The following MTOR variants were observed in gnomAD, a reference collection of about 807,000 sequenced individuals.
The protein encoded by MTOR is mechanistic target of rapamycin kinase, also known as serine/threonine-protein kinase mTOR.
In MTOR, 70 loss-of-function variants were observed where a neutral mutation model predicts 319.8. The ratio of observed to expected loss-of-function variants is 0.22; its 90% CI spans 0.18 to 0.27. The LOEUF (loss-of-function observed/expected upper bound fraction) is 0.27. Among genes scored for constraint, MTOR ranks in the 10% least tolerant of loss-of-function variants. The pLI is 1.00. For synonymous variants in MTOR, 1,183 were observed against 1,211.4 expected (o/e 0.98, Z 0.49); for missense variants, 1,890 against 3,274.4 (o/e 0.58, Z 10.32).
At chr1:11,197,009 A>G (rs912969092) in intron 28 of MTOR, among the ~76,000 whole-genome samples, 2 of 152,170 alleles carry the variant, frequency 1.3e-5, no homozygotes, top group African/African-American at 2.4e-5. Flanking sequence ...AAGGGAAAAT[A>G]AGAGTAGGAA....
At chr1:11,112,789 C>G in intron 54 of MTOR, 63 bp downstream of exon 54, 1 of 1,562,670 alleles carries the variant, frequency 6.4e-7, no homozygotes, top group Non-Finnish European at 8.8e-7. Flanking sequence ...TGAAGCCCAC[C>G]CCACTCTACA....
At position 11,115,152 on chromosome 1, in the gene MTOR, G is replaced by T. The variant is rs558524941; in HGVS notation, c.7089+244C>A. Among the ~76,000 whole-genome samples, 6 of 152,250 alleles carry T rather than the reference G, an allele frequency of 3.9e-5. No homozygotes were observed. In the South Asian group the frequency reaches 1.0e-3, roughly 26 times the overall value. Reference sequence around the variant, plus strand: ...GTGTCCAGGCTCTTGGGCAACAGGTGGTATGGAGGGTAGGGGCCTACTCTA... The same window carrying T: ...GTGTCCAGGCTCTTGGGCAACAGGTTGTATGGAGGGTAGGGGCCTACTCTA... On this transcript the variant is annotated intron_variant, in intron 51 of 57. Transcript: ENST00000361445. The surrounding 1 kb of genome is among the most constrained non-coding windows in gnomAD (Gnocchi z 4.5).
At chr1:11,189,905 T>C (rs768514152) in intron 28 of MTOR, 14 of 1,613,720 alleles carry the variant, frequency 8.7e-6, no homozygotes, top group East Asian at 2.2e-5. Flanking sequence ...AACAACCAAA[T>C]TGACATCATG....
chr1:11,162,712 T>G (rs1644515453), intron 29 of MTOR, among the ~76,000 whole-genome samples: 1 of 152,130 alleles, frequency 6.6e-6, no homozygotes. Context: ...AGGAATAAAA[T>G]ACTTTACAGA....
rs984727916 is a variant in MTOR, at chr1:11,139,955, G to A, written c.4873-297C>T. 5.9e-5 allele frequency among the ~76,000 whole-genome samples: 9 copies of A among 152,276 alleles called. No individual in the cohort carries two copies. The East Asian group carries it at 1.7e-3, about 29-fold the overall frequency. ...TCCAACCGTCTTGGCCTCCCAAAGTGCTGGGATTACAGGCGTGAGCCAGCA... is the reference window on the plus strand; with the variant it reads ...TCCAACCGTCTTGGCCTCCCAAAGTACTGGGATTACAGGCGTGAGCCAGCA... On this transcript the variant is annotated intron_variant, in intron 34 of 57. Transcript: ENST00000361445.
At chr1:11,246,915 A>G (rs539672211) in intron 8 of MTOR, among the ~76,000 whole-genome samples, 1 of 152,360 alleles carries the variant, frequency 6.6e-6, no homozygotes, top group East Asian at 1.9e-4. Context: ...GTTTCCACTT[A>G]TTAGGGCTCT....
chr1:11,243,256 C>T lies in MTOR; in HGVS notation c.1270G>A (p.Val424Ile), dbSNP rs571723861. 3 of 1,614,206 alleles carry T rather than the reference C, an allele frequency of 1.9e-6. No homozygotes were observed. The highest frequency in any genetic ancestry group is 4.5e-5 in the East Asian group (2 of 44,888). Residue 424 changes from valine to isoleucine, a missense_variant, in exon 9 of 58, where the codon GTC (valine) becomes ATC (isoleucine). Around this residue, in one of 15 missense-constraint regions of MTOR, gnomAD observed 418 missense variants for 543.1 expected, o/e 0.77. Coordinates refer to ENST00000361445, the MANE Select transcript of MTOR (RefSeq NM_004958.4). ...QDTMNHVLSC[V>I]KKEKERTAAF... ...GCTGTACGTTCCTTCTCCTTCTTGA[C>T]ACAGCTTAGGACATGGTTCATGGTA...
At position 11,238,635 on chromosome 1, in the gene MTOR, G is replaced by C. The variant is rs573104161; in HGVS notation, c.1787-18C>G. The stretch of plus-strand genomic sequence containing the variant: ...AGAGTGGCCTGGATAGAAAGGCAGA[G>C]AGAAAACAGAATAAACACTGCTGCT... On this transcript the variant is annotated intron_variant, in intron 11 of 57. Transcript: ENST00000361445. 58 of 1,591,270 alleles carry C rather than the reference G, an allele frequency of 3.6e-5. No individual in the cohort carries two copies. In the South Asian group the frequency reaches 5.8e-4, roughly 16 times the overall value.
rs542219867 is a variant in MTOR, at chr1:11,261,460, A to T, written c.-15+985T>A. On this transcript the variant is annotated intron_variant, in intron 1 of 57. Transcript: ENST00000361445. ...GCACTCCAGCCTGGGCGACAGAGCG[A>T]AACTCCGTCTCAAAACAAAACAAAA... is the stretch of plus-strand genomic sequence containing the variant. 2.6e-3 allele frequency among the ~76,000 whole-genome samples: 401 copies of T among 152,138 alleles called. 2 individuals are homozygous for T. The highest frequency in any genetic ancestry group is 9.1e-3 in the African/African-American group (377 of 41,522).
At chr1:11,237,132 C>G (rs1449059210) in intron 13 of MTOR, among the ~76,000 whole-genome samples, 2 of 152,094 alleles carry the variant, frequency 1.3e-5, no homozygotes, top group South Asian at 2.1e-4. Context: ...GCAATGGGGA[C>G]AGGAAATGAC....
intron 19 of MTOR, among the ~76,000 whole-genome samples, chr1:11,218,300 T>G (rs535417065): frequency 6.6e-5 from 10 of 151,976 alleles, no homozygotes; most frequent in African/African-American, 2.2e-4. Context: ...CATGGTGGCA[T>G]GTGCCTGTAA....
In MTOR at chr1:11,129,661, G is replaced by A; in HGVS notation, c.5714+77C>T. 7.6e-7 allele frequency: 1 copy of A among 1,311,570 alleles called. No individual in the cohort carries two copies. The highest frequency in any genetic ancestry group is 1.2e-5 in the South Asian group (1 of 80,462). 81.2% of individuals were successfully genotyped at this position (1,311,570 alleles called of 1,614,324 possible). A position where few individuals can be genotyped will look rare whatever the true frequency, so the allele number is the denominator to read the frequency against. On this transcript the variant is annotated intron_variant, in intron 40 of 57. Transcript: ENST00000361445. This position sits in a 1 kb window ranked among gnomAD's most constrained non-coding sequence, Gnocchi z 4.7. ...TCCTGATCAGGGTCAGGAAGGGAAA[G>A]AGGACTTTTACGTGTGACTTCTAGG...
rs182258355 is a variant in MTOR at position 11,172,912 on chromosome 1, C to T, written c.4254-5395G>A. On this transcript the variant is annotated intron_variant, in intron 28 of 57. Coordinates refer to ENST00000361445, the MANE Select transcript of MTOR (RefSeq NM_004958.4). ...TTTGACTAAACTCATGAAAAATGAA[C>T]ACTCTCGCTCTGAGAAATTAATTTC... Among the ~76,000 whole-genome samples the T allele has an allele frequency of 8.0e-4, 120 of 149,126 alleles. 4 individuals carry two copies. The East Asian group carries it at 0.017, about 21-fold the overall frequency.
At chr1:11,220,075 A>AT (rs372425668) in intron 19 of MTOR, among the ~76,000 whole-genome samples, 1 of 150,074 alleles carries the variant, frequency 6.7e-6, no homozygotes, top group Non-Finnish European at 1.5e-5. Flanking sequence ...GAAAAAAAAA[A>AT]TAGAAGGGTA....
At chr1:11,213,034 C>T in intron 21 of MTOR, 126 bp from the exon 22 acceptor site, 1 of 695,766 alleles carries the variant, frequency 1.4e-6, no homozygotes, top group South Asian at 1.8e-5. Context: ...ATTAAATGGC[C>T]TTGAACTATA....
intron 34 of MTOR, among the ~76,000 whole-genome samples, chr1:11,142,780 T>C (rs1643776761): frequency 6.6e-6 from 1 of 152,196 alleles, no homozygotes; most frequent in Non-Finnish European, 1.5e-5. Context: ...TGAGCCTGAC[T>C]GGAGAACCCA....
At position 11,223,474 on chromosome 1, in the gene MTOR, G is replaced by A. The variant is rs534607947; in HGVS notation, c.3030+5194C>T. On this transcript the variant is annotated intron_variant, in intron 19 of 57. Coordinates refer to ENST00000361445, the MANE Select transcript of MTOR (RefSeq NM_004958.4). ...GAAATGTATGTACATGTGTCGGGGG[G>A]AAAGGCGATGGAGGTAAGAGATAAA... Among the ~76,000 whole-genome samples, 352 of 152,232 alleles carry A rather than the reference G, an allele frequency of 2.3e-3. 2 individuals carry two copies. Among genetic ancestry groups the A allele is most frequent in the South Asian group, 0.013 (65 of 4,820 alleles).
At chr1:11,197,822 T>A (rs927344334) in intron 28 of MTOR, among the ~76,000 whole-genome samples, 2 of 152,158 alleles carry the variant, frequency 1.3e-5, no homozygotes, top group Admixed American at 6.5e-5. Flanking sequence ...GGATTACAGG[T>A]GTGAACTACC....
chr1:11,177,860 T>C (rs1645036648), intron 28 of MTOR, among the ~76,000 whole-genome samples: 1 of 151,998 alleles, frequency 6.6e-6, no homozygotes, highest in Non-Finnish European at 1.5e-5. Flanking sequence ...AAGAAAAAAA[T>C]GGAGGAGGGA....
Sources: gnomAD v4.1 joint callset for allele counts (sites outside exome capture counted in the v4.1 genomes callset) on GRCh38, gnomAD v4.1.1 for gene constraint, gnomAD v4.1.1 regional missense constraint, Gnocchi (gnomAD v3.1) non-coding constraint, MANE v1.5 for transcripts, NCBI Gene and HGNC (gene_info 2026-07-23, HGNC 2026-07-21) for gene names.